MACROD2: variants seen among roughly 807,000 people sequenced by gnomAD.
The protein encoded by MACROD2 is mono-ADP ribosylhydrolase 2, also known as ADP-ribose glycohydrolase MACROD2.
Under a neutral mutation model 70.4 loss-of-function variants are expected in MACROD2, and 36 were observed. The ratio of observed to expected loss-of-function variants is 0.51; its 90% confidence interval spans 0.39 to 0.68. The LOEUF is 0.68. MACROD2 is among the 30% of genes least tolerant of loss of function. The pLI is 0.00. For missense variants in MACROD2, 496 were observed against 538.4 expected, an observed-to-expected ratio of 0.92 and a Z score of 0.78; for synonymous variants, 172 against 178.8, an observed-to-expected ratio of 0.96 and a Z score of 0.30.
intron 13 of MACROD2, among the ~76,000 whole-genome samples, chr20:15,977,163 G>C (rs985213174): frequency 6.6e-6 from 1 of 152,200 alleles, no homozygotes; most frequent in Non-Finnish European, 1.5e-5. Flanking sequence ...GTACGTTAAA[G>C]GTCCTTGCAA....
chr20:15,166,357 A>C (rs1012399532), intron 5 of MACROD2, among the ~76,000 whole-genome samples: 1 of 152,208 alleles, frequency 6.6e-6, no homozygotes, highest in African/African-American at 2.4e-5. Context: ...AAGAGACCAC[A>C]GAAGGCTCTC....
At chr20:15,710,280 C>A (rs1257674544) in intron 8 of MACROD2, among the ~76,000 whole-genome samples, 3 of 151,322 alleles carry the variant, frequency 2.0e-5, no homozygotes, top group African/African-American at 7.3e-5. Context: ...ACTAGTACAG[C>A]CATTATAAAG....
chr20:16,013,121 A>G (rs1037790401), intron 15 of MACROD2, among the ~76,000 whole-genome samples: 1 of 152,220 alleles, frequency 6.6e-6, no homozygotes, highest in African/African-American at 2.4e-5. Context: ...CAGAGGTTGC[A>G]GTGAGCCAGG....
At chr20:14,373,070 A>T (rs557173143) in intron 3 of MACROD2, among the ~76,000 whole-genome samples, 1 of 152,172 alleles carries the variant, frequency 6.6e-6, no homozygotes, top group African/African-American at 2.4e-5. Flanking sequence ...TATAGTCTCT[A>T]AGGGACACAT....
intron 8 of MACROD2, among the ~76,000 whole-genome samples, chr20:15,575,665 G>T (rs1011930382): frequency 6.6e-6 from 1 of 152,144 alleles, no homozygotes; most frequent in Non-Finnish European, 1.5e-5. Flanking sequence ...GGTAGACTTT[G>T]AAATGATTTT....
chr20:14,393,742 G>T (rs1488790338), intron 3 of MACROD2, among the ~76,000 whole-genome samples: 2 of 152,112 alleles, frequency 1.3e-5, no homozygotes, highest in Admixed American at 1.3e-4. Flanking sequence ...AGTTGTTATG[G>T]ACTGAATGTT....
At chr20:15,254,129 T>A (rs1421519273) in intron 6 of MACROD2, among the ~76,000 whole-genome samples, 2 of 152,190 alleles carry the variant, frequency 1.3e-5, no homozygotes, top group African/African-American at 4.8e-5. Flanking sequence ...GAAACGAGTT[T>A]ATTAGTGAAA....
At chr20:15,403,456 A>AGGAGGAG (rs1186782299) in intron 6 of MACROD2, among the ~76,000 whole-genome samples, 1 of 139,978 alleles carries the variant, frequency 7.1e-6, no homozygotes, top group African/African-American at 3.3e-5. Context: ...GAGGAGGAGG[A>AGGAGGAG]GAGAGATTGT....
chr20:14,379,938 C>CT (rs1355564452), intron 3 of MACROD2, among the ~76,000 whole-genome samples: 1 of 152,068 alleles, frequency 6.6e-6, no homozygotes, highest in East Asian at 1.9e-4. Flanking sequence ...CAAGTATCTA[C>CT]TTTCAATTCC....
At chr20:15,124,350 G>GTTTTTT (rs10661683) in intron 5 of MACROD2, among the ~76,000 whole-genome samples, 1 of 144,252 alleles carries the variant, frequency 6.9e-6, no homozygotes, top group African/African-American at 2.6e-5. Context: ...TAATTTCCTA[G>GTTTTTT]TTTTTTTTTT....
chr20:15,514,393 A>G (rs2047539911), intron 8 of MACROD2, among the ~76,000 whole-genome samples: 1 of 152,308 alleles, frequency 6.6e-6, no homozygotes, highest in Admixed American at 6.5e-5. Context: ...CTTTTACTGT[A>G]CCTTTTCCAT....
chr20:15,037,027 T>G (rs1231507580), intron 5 of MACROD2, among the ~76,000 whole-genome samples: 3 of 152,076 alleles, frequency 2.0e-5, no homozygotes, highest in African/African-American at 7.2e-5. Context: ...TAAAAATTGG[T>G]CTTTTTATGA....
chr20:14,295,729 T>C (rs2082421584), intron 3 of MACROD2, among the ~76,000 whole-genome samples: 1 of 151,950 alleles, frequency 6.6e-6, no homozygotes, highest in South Asian at 2.1e-4. Flanking sequence ...TCTGATGTAT[T>C]GTCATCTCAC....
chr20:15,387,233 A>C (rs59418375), intron 6 of MACROD2, among the ~76,000 whole-genome samples: 2,003 of 152,302 alleles, frequency 0.013, 42 homozygotes, highest in African/African-American at 0.045. Flanking sequence ...TAATGTTAGC[A>C]TAGAGCAGAA....
intron 3 of MACROD2, among the ~76,000 whole-genome samples, chr20:14,214,576 C>T (rs2122144312): frequency 6.7e-6 from 1 of 150,168 alleles, no homozygotes; most frequent in African/African-American, 2.4e-5. Context: ...AGAAGTTATC[C>T]AGCAATGTTC....
intron 2 of MACROD2, among the ~76,000 whole-genome samples, chr20:14,079,720 T>C (rs1290363186): frequency 6.6e-6 from 1 of 152,220 alleles, no homozygotes; most frequent in East Asian, 1.9e-4. Flanking sequence ...GAATGTCATA[T>C]TTGAGAATGA....
intron 5 of MACROD2, among the ~76,000 whole-genome samples, chr20:14,904,163 G>T (rs577965900): frequency 6.6e-6 from 1 of 152,226 alleles, no homozygotes; most frequent in African/African-American, 2.4e-5. Flanking sequence ...TTACAAAGTT[G>T]GTTCTTGGAT....
intron 8 of MACROD2, among the ~76,000 whole-genome samples, chr20:15,587,651 C>T (rs2048621027): frequency 6.6e-6 from 1 of 152,028 alleles, no homozygotes; most frequent in South Asian, 2.1e-4. Flanking sequence ...AGAAATTGGC[C>T]AAAATAAAGG....
At chr20:15,760,202 G>A (rs568775144) in intron 8 of MACROD2, among the ~76,000 whole-genome samples, 64 of 152,308 alleles carry the variant, frequency 4.2e-4, no homozygotes, top group African/African-American at 1.4e-3. Flanking sequence ...TCGGCTTCAC[G>A]AAAATGACCC....
Sources: allele counts gnomAD v4.1 joint callset (sites outside exome capture counted in the v4.1 genomes callset), GRCh38; gene constraint gnomAD v4.1.1; transcripts MANE v1.5; gene names NCBI Gene and HGNC (gene_info 2026-07-23, HGNC 2026-07-21).